USP42: variants seen among roughly 807,000 people sequenced by gnomAD.
USP42 encodes ubiquitin specific peptidase 42.
A neutral mutation model predicts 113.0 loss-of-function variants in USP42; 23 were observed. That is an observed-to-expected ratio of 0.20 (90% confidence interval 0.15 to 0.29). The LOEUF (loss-of-function observed/expected upper bound fraction) is 0.29, where lower values mean the gene tolerates loss of function less well. Ranked by LOEUF, USP42 falls within the 10% of genes least tolerant of loss-of-function variation. The probability of loss-of-function intolerance (pLI) is 1.00; values close to 1 mark genes in which losing one functional copy is unlikely to be tolerated. For synonymous variants in USP42, 933 were observed against 699.0 expected, an observed-to-expected ratio of 1.33 and a Z score of -5.28; for missense variants, 2,174 against 1,779.8, an observed-to-expected ratio of 1.22 and a Z score of -3.99.
At chr7:6,114,781 C>T (rs1275687691) in intron 2 of USP42, among the ~76,000 whole-genome samples, 5 of 145,744 alleles carry the variant, frequency 3.4e-5, no homozygotes, top group African/African-American at 1.3e-4. Context: ...AGCTCTGCCT[C>T]CCGGGTTCAC....
At chr7:6,136,002 C>A in intron 4 of USP42, 51 bp downstream of exon 4, 756 of 548,928 alleles carry the variant, frequency 1.4e-3, no homozygotes, top group Non-Finnish European at 1.8e-3. Flanking sequence ...CCTAGTTATA[C>A]TTTTTTTTTT....
Position 6,111,129 on chromosome 7 carries a change from G to T in USP42, c.-5G>T. 2 of 1,609,762 alleles carry T rather than the reference G, an allele frequency of 1.2e-6. No homozygotes were observed. Among genetic ancestry groups the T allele is most frequent in the Non-Finnish European group, 8.5e-7 (1 of 1,176,692 alleles). On this transcript the variant is annotated 5_prime_UTR_variant, in exon 2 of 18. It introduces an in-frame stop codon into an upstream open reading frame of the 5' UTR. Transcript: ENST00000306177. ...CATACTTTTCATCTTTTGCAGAGTT[G>T]AACAATGACCATAGTTGACAAAGCT...
At chr7:6,124,058 T>A (rs1583608923) in intron 3 of USP42, among the ~76,000 whole-genome samples, 1 of 152,074 alleles carries the variant, frequency 6.6e-6, no homozygotes, top group Non-Finnish European at 1.5e-5. Flanking sequence ...GTATTTTTAG[T>A]AGTGATGGGG....
In USP42 at chr7:6,154,964, C is replaced by T. The variant is rs796797126; in HGVS notation, c.3410C>T (p.Thr1137Ile). The T allele has an allele frequency of 4.5e-6, 7 of 1,560,016 alleles. No homozygotes were observed. The African/African-American group carries it at 9.5e-5, about 21-fold the overall frequency. ...CCCGACCGCTTCTCCCACGACAGAA[C>T]TGCACTTGTAGCCGGAGACAACTGT... ...PHPDRFSHDR[T>I]ALVAGDNCNL... The change falls in exon 15 of 18, where the codon ACT (threonine) becomes ATT (isoleucine). Residue 1137 changes from threonine (T) to isoleucine (I), a missense_variant. Coordinates refer to ENST00000306177, the MANE Select transcript of USP42 (RefSeq NM_032172.3).
At chr7:6,090,551 C>T in the USP42 span, among the ~76,000 whole-genome samples, 16 of 145,018 alleles carry the variant, frequency 1.1e-4, 2 homozygotes, top group African/African-American at 3.9e-4. Context: ...CCCATCTCTC[C>T]TAAAAATACA....
intron 2 of USP42, among the ~76,000 whole-genome samples, chr7:6,112,322 G>A (rs1466144638): frequency 6.6e-6 from 1 of 152,072 alleles, no homozygotes; most frequent in Non-Finnish European, 1.5e-5. Flanking sequence ...GGTGGTGTGT[G>A]CCTATAATCC....
upstream of USP42, among the ~76,000 whole-genome samples, chr7:6,102,603 A>C (rs1480515242): frequency 6.6e-6 from 1 of 150,594 alleles, no homozygotes; most frequent in African/African-American, 2.5e-5. Flanking sequence ...TAAAAAAATA[A>C]AGATTAGCCA....
intron 3 of USP42, among the ~76,000 whole-genome samples, chr7:6,132,146 G>A (rs773926720): frequency 1.3e-5 from 2 of 151,288 alleles, no homozygotes; most frequent in African/African-American, 2.4e-5. Context: ...GGCTGGTCTC[G>A]AACTCCTAGG....
In USP42 at chr7:6,155,219, C is replaced by G. The variant is rs775847261; in HGVS notation, c.3641+24C>G. The G allele has an allele frequency of 1.8e-5, 27 of 1,504,664 alleles. No individual in the cohort carries two copies. In the East Asian group the frequency reaches 5.9e-4, roughly 33 times the overall value. 93.2% of individuals were successfully genotyped at this position (1,504,664 alleles called of 1,614,324 possible). A position where few individuals can be genotyped will look rare whatever the true frequency, so the allele number is the denominator to read the frequency against. ...AGGTGAGCCTGGGGCCTTGTGCTCC[C>G]CGAGGCGCTGGCGCTGCTGTCAGCA... On this transcript the variant is annotated intron_variant, in intron 15 of 17. Transcript: ENST00000306177.
At chr7:6,144,349 C>T (rs1583657715) in intron 9 of USP42, among the ~76,000 whole-genome samples, 153 bp downstream of exon 9, 1 of 152,096 alleles carries the variant, frequency 6.6e-6, no homozygotes, top group African/African-American at 2.4e-5. Flanking sequence ...TGTTGGTACC[C>T]GTGGTTGTGA....
At chr7:6,156,688 G>A (rs1187912837) in intron 15 of USP42, 66 bp from the exon 16 acceptor site, 3 of 1,466,986 alleles carry the variant, frequency 2.0e-6, no homozygotes, top group Non-Finnish European at 2.7e-6. Context: ...GAAAGGCCAA[G>A]CTCCAGGGTC....
chr7:6,132,163 C>G lies in USP42; in HGVS notation c.443-3678C>G, dbSNP rs550757528. Among the ~76,000 whole-genome samples, 9 of 151,706 alleles carry G rather than the reference C, an allele frequency of 5.9e-5. No individual in the cohort carries two copies. In the East Asian group the frequency reaches 1.8e-3, roughly 30 times the overall value. ...CTGGTCTCGAACTCCTAGGCTCAAG[C>G]GATCCACCCGCCTTGGCTTCCCAAA... On this transcript the variant is annotated intron_variant, in intron 3 of 17. Coordinates refer to ENST00000306177, the MANE Select transcript of USP42 (RefSeq NM_032172.3).
At chr7:6,092,076 C>CTTCTTTCTTCTTCTTCTTTCT in the USP42 span, among the ~76,000 whole-genome samples, 11 of 23,822 alleles carry the variant, frequency 4.6e-4, 1 homozygote, top group Non-Finnish European at 6.9e-4. Flanking sequence ...CTTCTTCTTC[C>CTTCTTTCTTCTTCTTCTTTCT]TCTTCCTCTT....
chr7:6,141,951 T>A (rs938695018), intron 7 of USP42, among the ~76,000 whole-genome samples: 1 of 152,218 alleles, frequency 6.6e-6, no homozygotes, highest in African/African-American at 2.4e-5. Context: ...CACTCACTGT[T>A]CCGTGTAATT....
Position 6,159,585 on chromosome 7 carries a change from G to T in USP42, c.*36+92G>T, listed in dbSNP as rs896863094. The T allele has an allele frequency of 4.4e-6, 6 of 1,351,692 alleles. No individual in the cohort carries two copies. Among genetic ancestry groups the T allele is most frequent in the Middle Eastern group, 2.3e-4 (1 of 4,404 alleles). The allele number at this position is 1,351,692 out of a possible 1,614,324, so 83.7% of individuals were successfully genotyped here. A position where few individuals can be genotyped will look rare whatever the true frequency, so the allele number is the denominator to read the frequency against. On this transcript the variant is annotated intron_variant, in intron 17 of 17. Coordinates refer to ENST00000306177, the MANE Select transcript of USP42 (RefSeq NM_032172.3). This position sits in a 1 kb window ranked among gnomAD's most constrained non-coding sequence, Gnocchi z 4.1. ...TTTTAATTCTGCGGCTCTGCCTGGG[G>T]GCTGGGCTCATAGGAGTTGGCAGAG...
the USP42 span, among the ~76,000 whole-genome samples, chr7:6,087,997 C>G: frequency 6.6e-6 from 1 of 151,064 alleles, no homozygotes; most frequent in South Asian, 2.1e-4. Context: ...CAACGGTTAC[C>G]TGCTATTAAT....
At chr7:6,120,081 C>G (rs1392869318) in intron 3 of USP42, among the ~76,000 whole-genome samples, 1 of 152,172 alleles carries the variant, frequency 6.6e-6, no homozygotes, top group African/African-American at 2.4e-5. Context: ...TCTTCTGCCT[C>G]AGCTTCCTGA....
chr7:6,116,624 CTGATTTTTTT>C, intron 3 of USP42: 1 of 370,014 alleles, frequency 2.7e-6, no homozygotes, highest in East Asian at 9.0e-5. Flanking sequence ...TCTTTTAAAA[CTGATTTTTTT>C]TTCCCTCCAA....
At chr7:6,140,308 C>A in intron 6 of USP42, 113 bp downstream of exon 6, 4 of 962,888 alleles carry the variant, frequency 4.2e-6, no homozygotes, top group Non-Finnish European at 4.7e-6. Flanking sequence ...TCTCTCCAGC[C>A]CAGATTCTCA....
Sources: allele counts gnomAD v4.1 joint callset (sites outside exome capture counted in the v4.1 genomes callset), GRCh38; gene constraint gnomAD v4.1.1; non-coding constraint Gnocchi (gnomAD v3.1); transcripts MANE v1.5; gene names NCBI Gene and HGNC (gene_info 2026-07-23, HGNC 2026-07-21).